The following CNOT2 variants were observed in gnomAD, a reference collection of about 807,000 sequenced individuals.
CNOT2 encodes the protein CCR4-NOT transcription complex subunit 2.
In CNOT2, 7 loss-of-function variants were observed where a neutral mutation model predicts 72.1. The observed-to-expected ratio is 0.10, with a 90% CI of 0.06 to 0.18. CNOT2 has a LOEUF of 0.18. Among genes scored for constraint, CNOT2 ranks in the 10% least tolerant of loss-of-function variants. CNOT2 has a pLI of 1.00. For missense variants in CNOT2, 345 were observed against 660.3 expected, an observed-to-expected ratio of 0.52 and a Z score of 5.23; for synonymous variants, 196 against 225.6, an observed-to-expected ratio of 0.87 and a Z score of 1.17.
chr12:70,262,343 G>A (rs1469272391), intron 1 of CNOT2, among the ~76,000 whole-genome samples: 1 of 151,986 alleles, frequency 6.6e-6, no homozygotes, highest in Non-Finnish European at 1.5e-5. Context: ...GCGCAATCTC[G>A]GCTCACTGCA....
intron 1 of CNOT2, among the ~76,000 whole-genome samples, chr12:70,246,659 A>C (rs1166884487): frequency 6.6e-6 from 1 of 152,208 alleles, no homozygotes; most frequent in Non-Finnish European, 1.5e-5. Context: ...AGCTGTGCTA[A>C]AGTTGATGTC....
chr12:70,256,602 AAGTG>A (rs1357199004), intron 1 of CNOT2, among the ~76,000 whole-genome samples: 1 of 151,114 alleles, frequency 6.6e-6, no homozygotes, highest in East Asian at 2.0e-4. Flanking sequence ...AAAAAAAAAA[AAGTG>A]GTAATAGCAT....
chr12:70,303,006 A>C (rs1212265310), intron 2 of CNOT2, among the ~76,000 whole-genome samples: 1 of 127,748 alleles, frequency 7.8e-6, no homozygotes, highest in Non-Finnish European at 1.7e-5. Context: ...TTGTTGGTTT[A>C]AAGTCTGTTT....
At chr12:70,303,183 G>C (rs1354072615) in intron 2 of CNOT2, among the ~76,000 whole-genome samples, 1 of 152,182 alleles carries the variant, frequency 6.6e-6, no homozygotes, top group Non-Finnish European at 1.5e-5. Context: ...TTGCCAGTCT[G>C]TGCCTTTTAA....
intron 9 of CNOT2, chr12:70,338,166 G>C (rs748078971): frequency 1.4e-4 from 38 of 276,932 alleles, no homozygotes; most frequent in African/African-American, 5.6e-4. Context: ...CTGAGAAAGA[G>C]ATAGATTTTT....
At chr12:70,351,190 G>T (rs868691723) in intron 15 of CNOT2, among the ~76,000 whole-genome samples, 4 of 151,870 alleles carry the variant, frequency 2.6e-5, no homozygotes, top group Admixed American at 6.6e-5. Context: ...AAAATTAAAT[G>T]TTTTGTTCCT....
At chr12:70,286,165 G>A (rs1374687339) in intron 2 of CNOT2, among the ~76,000 whole-genome samples, 2 of 148,596 alleles carry the variant, frequency 1.3e-5, no homozygotes, top group Non-Finnish European at 3.0e-5. Context: ...CGTTAGAGAA[G>A]TTTATCTGAA....
intron 2 of CNOT2, among the ~76,000 whole-genome samples, chr12:70,293,612 T>C (rs887025934): frequency 1.3e-5 from 2 of 152,220 alleles, no homozygotes; most frequent in Non-Finnish European, 1.5e-5. Context: ...AGTTAAGAAA[T>C]TCACTTTTTC....
intron 1 of CNOT2, among the ~76,000 whole-genome samples, chr12:70,260,818 G>A (rs1958707057): frequency 6.9e-6 from 1 of 145,542 alleles, no homozygotes; most frequent in Non-Finnish European, 1.5e-5. Context: ...ATTAGAGGTA[G>A]TTTCACTTCT....
chr12:70,260,959 T>C (rs1958720917), intron 1 of CNOT2, among the ~76,000 whole-genome samples: 2 of 152,058 alleles, frequency 1.3e-5, no homozygotes, highest in Admixed American at 6.5e-5. Flanking sequence ...TCTGATCATA[T>C]AAGGAAAGCA....
At chr12:70,352,812 G>A (rs921699702) in intron 15 of CNOT2, among the ~76,000 whole-genome samples, 3 of 152,098 alleles carry the variant, frequency 2.0e-5, no homozygotes, top group Non-Finnish European at 1.5e-5. Context: ...TGGGTGGGAA[G>A]TATCATGAAG....
chr12:70,285,126 C>A (rs1436864063), intron 2 of CNOT2, among the ~76,000 whole-genome samples: 1 of 151,920 alleles, frequency 6.6e-6, no homozygotes. Flanking sequence ...CTCATTAAAT[C>A]AAAAGTTAAG....
chr12:70,342,882 GA>G (rs1199296860), intron 13 of CNOT2, among the ~76,000 whole-genome samples: 1 of 152,008 alleles, frequency 6.6e-6, no homozygotes, highest in African/African-American at 2.4e-5. Context: ...TTAGCCTTGG[GA>G]AACTACAATT....
chr12:70,282,572 C>G lies in CNOT2; in HGVS notation c.48+4298C>G, dbSNP rs1313193680. The stretch of plus-strand genomic sequence containing the variant: ...TTACTCTTAACAGTTTGGTGTGTAC[C>G]TCTTCAGATCTTTACTAGTGACTAT... On this transcript the variant is annotated intron_variant, in intron 2 of 15. Coordinates refer to ENST00000229195, the MANE Select transcript of CNOT2 (RefSeq NM_014515.7). 2.0e-5 allele frequency among the ~76,000 whole-genome samples: 3 copies of G among 152,170 alleles called. No homozygotes were observed. In the East Asian group the frequency reaches 5.8e-4, roughly 29 times the overall value.
At chr12:70,265,327 T>TC (rs200497693) in intron 1 of CNOT2, among the ~76,000 whole-genome samples, 251 of 129,194 alleles carry the variant, frequency 1.9e-3, no homozygotes, top group Non-Finnish European at 2.7e-3. Context: ...TCTCTTCTCT[T>TC]TCTTTCTTTT....
intron 4 of CNOT2, among the ~76,000 whole-genome samples, chr12:70,320,654 G>A (rs1379491269): frequency 2.0e-5 from 3 of 151,576 alleles, no homozygotes; most frequent in South Asian, 2.1e-4. Flanking sequence ...CACCCTTCTG[G>A]TAACCCTTAC....
intron 1 of CNOT2, among the ~76,000 whole-genome samples, chr12:70,268,661 A>G (rs1037520523): frequency 2.0e-5 from 3 of 151,550 alleles, no homozygotes; most frequent in African/African-American, 4.9e-5. Context: ...GGGTCTCACT[A>G]TGTTGCCTGG....
rs1411055530 is a variant in CNOT2 at position 70,332,836 on chromosome 12, T to C, written c.639T>C (p.Phe213=). The C allele has an allele frequency of 1.2e-6, 2 of 1,604,204 alleles. No individual in the cohort carries two copies. The highest frequency in any genetic ancestry group is 1.7e-6 in the Non-Finnish European group (2 of 1,175,532). ...GMNNSLSSNI[F]NGTDGSENVT... is the part of the protein sequence containing the mutation. ...ATAACTCCTTATCAAGTAACATTTT[T>C]AATGGAACAGGTAAGCTTATTCTGG... Residue 213 remains phenylalanine (F), a synonymous_variant, in exon 7 of 16, where the codon TTT becomes TTC. Coordinates refer to ENST00000229195, the MANE Select transcript of CNOT2 (RefSeq NM_014515.7).
At chr12:70,311,834 A>T (rs530060364) in intron 3 of CNOT2, among the ~76,000 whole-genome samples, 1 of 152,044 alleles carries the variant, frequency 6.6e-6, no homozygotes, top group African/African-American at 2.4e-5. Flanking sequence ...TCTAGCTATT[A>T]ACCTAATGAG....
Sources: allele counts gnomAD v4.1 joint callset (sites outside exome capture counted in the v4.1 genomes callset), GRCh38; gene constraint gnomAD v4.1.1; transcripts MANE v1.5; gene names NCBI Gene and HGNC (gene_info 2026-07-23, HGNC 2026-07-21).